FER: variants seen among roughly 807,000 people sequenced by gnomAD.
FER encodes the protein tyrosine-protein kinase Fer.
In FER, 63 loss-of-function variants were observed where a neutral mutation model predicts 111.0. That is an observed-to-expected ratio of 0.57 (90% CI 0.46 to 0.70). FER has a LOEUF of 0.70. FER is among the 30% of genes least tolerant of loss of function. The pLI is 0.00. For synonymous variants in FER, 327 were observed against 313.9 expected, an observed-to-expected ratio of 1.04 and a Z score of -0.44; for missense variants, 914 against 954.0, an observed-to-expected ratio of 0.96 and a Z score of 0.55.
At chr5:109,135,641 C>G (rs1352121078) in intron 17 of FER, among the ~76,000 whole-genome samples, 1 of 152,098 alleles carries the variant, frequency 6.6e-6, no homozygotes, top group Non-Finnish European at 1.5e-5. Flanking sequence ...CCCCAACTCA[C>G]CAAAACTCTC....
In FER at chr5:108,798,045, A is replaced by G. The variant is rs148365015; in HGVS notation, c.-59-79A>G. ...TTTTTTTTTTTTAACCCCAAAGAAG[A>G]ATCTATCATAACTTTTTTTTTTTTG... On this transcript the variant is annotated intron_variant, in intron 2 of 19. Coordinates refer to ENST00000281092, the MANE Select transcript of FER (RefSeq NM_005246.4). 525 of 552,674 alleles carry G rather than the reference A, an allele frequency of 9.5e-4. 4 individuals are homozygous for G. In the African/African-American group the frequency reaches 0.01, roughly 11 times the overall value. 34.2% of individuals were successfully genotyped at this position (552,674 alleles called of 1,614,324 possible).
At chr5:108,767,677 T>G (rs1435994120) in intron 1 of FER, among the ~76,000 whole-genome samples, 1 of 152,200 alleles carries the variant, frequency 6.6e-6, no homozygotes, top group African/African-American at 2.4e-5. Flanking sequence ...AGACTAGGTT[T>G]CACTGTGTTG....
intron 13 of FER, among the ~76,000 whole-genome samples, chr5:109,027,922 G>A (rs1208711959): frequency 6.6e-6 from 1 of 152,102 alleles, no homozygotes; most frequent in African/African-American, 2.4e-5. Flanking sequence ...GTATCTACTT[G>A]TATAAAGATG....
At chr5:109,055,651 G>C (rs114357770) in intron 16 of FER, among the ~76,000 whole-genome samples, 4,270 of 151,494 alleles carry the variant, frequency 0.028, 86 homozygotes, top group Middle Eastern at 0.11. Context: ...ACCAGACATG[G>C]TGACGTGTGC....
At chr5:109,025,138 T>G (rs1038870302) in intron 13 of FER, among the ~76,000 whole-genome samples, 81 of 152,046 alleles carry the variant, frequency 5.3e-4, no homozygotes, top group African/African-American at 9.6e-4. Flanking sequence ...TTAAAGTAGT[T>G]TTTTCCAATT....
chr5:108,883,410 C>G lies in FER; in HGVS notation c.938C>G (p.Ala313Gly), dbSNP rs771543690. ...GTTTATTCTAGGTTGAAAACGTTAGCGGAAGAACTTATGCAAACACAGCAG... is the reference window on the plus strand; with the variant it reads ...GTTTATTCTAGGTTGAAAACGTTAGGGGAAGAACTTATGCAAACACAGCAG... ...ESLQVMLKTL[A>G]EELMQTQQML... The change falls in exon 9 of 20, where the codon GCG (alanine) becomes GGG (glycine). Residue 313 changes from alanine (A) to glycine (G), a missense_variant. Ala to Gly is a moderately conservative substitution (Grantham distance 60). Around this residue, in one of 3 missense-constraint regions of FER, gnomAD observed 774 missense variants for 782.6 expected, o/e 0.99. Coordinates refer to ENST00000281092, the MANE Select transcript of FER (RefSeq NM_005246.4). 9 of 1,604,048 alleles carry G rather than the reference C, an allele frequency of 5.6e-6. No homozygotes were observed. In the East Asian group the frequency reaches 2.0e-4, roughly 36 times the overall value.
At chr5:109,041,526 G>A (rs1480241946) in intron 14 of FER, among the ~76,000 whole-genome samples, 1 of 152,016 alleles carries the variant, frequency 6.6e-6, no homozygotes, top group Admixed American at 6.6e-5. Flanking sequence ...TGAGATAGAT[G>A]TTATACAACA....
intron 13 of FER, among the ~76,000 whole-genome samples, chr5:108,976,521 T>A (rs1302313310): frequency 6.6e-6 from 1 of 152,068 alleles, no homozygotes. Context: ...CCCTGAACAA[T>A]CTGGGGGTGA....
intron 16 of FER, among the ~76,000 whole-genome samples, chr5:109,058,959 C>T (rs1016792935): frequency 3.3e-5 from 5 of 151,704 alleles, no homozygotes; most frequent in Non-Finnish European, 5.9e-5. Flanking sequence ...AGGCTGGTCT[C>T]GAACTCCTGA....
chr5:108,929,670 G>T (rs974090188), intron 10 of FER, among the ~76,000 whole-genome samples: 1 of 151,932 alleles, frequency 6.6e-6, no homozygotes, highest in African/African-American at 2.4e-5. Flanking sequence ...CTAGTGATAG[G>T]TTTTCTGTGA....
At chr5:109,120,289 G>T (rs1750801295) in intron 17 of FER, among the ~76,000 whole-genome samples, 1 of 152,008 alleles carries the variant, frequency 6.6e-6, no homozygotes, top group South Asian at 2.1e-4. Context: ...TATATGGCAA[G>T]AGATATGGGT....
intron 8 of FER, among the ~76,000 whole-genome samples, chr5:108,873,632 C>T (rs1001679154): frequency 4.6e-5 from 7 of 152,116 alleles, no homozygotes; most frequent in African/African-American, 1.7e-4. Context: ...ATTTTTGAAG[C>T]TGTTCCTAAG....
chr5:108,852,286 A>G (rs1165896268), intron 5 of FER, among the ~76,000 whole-genome samples: 1 of 152,142 alleles, frequency 6.6e-6, no homozygotes, highest in Non-Finnish European at 1.5e-5. Context: ...AATTGATTAG[A>G]TCTGTTGAGT....
intron 12 of FER, among the ~76,000 whole-genome samples, chr5:108,958,781 A>T (rs1214058365): frequency 2.6e-5 from 4 of 151,856 alleles, no homozygotes. Context: ...ATCAGATTGG[A>T]TATCTTTCCT....
Position 108,872,091 on chromosome 5 carries a change from A to T in FER, c.804-2A>T, listed in dbSNP as rs762420228. Reference sequence around the variant, plus strand: ...TCAAAATTATTTGCCATGCTTTACTAGAACAACGGCTGCTAAAGAACAAGA... The same window carrying T: ...TCAAAATTATTTGCCATGCTTTACTTGAACAACGGCTGCTAAAGAACAAGA... On this transcript the variant is annotated splice_acceptor_variant, in intron 7 of 19. Coordinates refer to ENST00000281092, the MANE Select transcript of FER (RefSeq NM_005246.4). LOFTEE classifies it high-confidence loss of function. 1 of 1,609,622 alleles carries T rather than the reference A, an allele frequency of 6.2e-7. No individual in the cohort carries two copies. Among genetic ancestry groups the T allele is most frequent in the Non-Finnish European group, 8.5e-7 (1 of 1,178,056 alleles).
chr5:109,169,078 G>A (rs1337693628), intron 17 of FER, among the ~76,000 whole-genome samples: 1 of 152,140 alleles, frequency 6.6e-6, no homozygotes, highest in Non-Finnish European at 1.5e-5. Flanking sequence ...CTTCATGAAT[G>A]CACAATGCAG....
chr5:109,116,163 C>T (rs1264857306), intron 17 of FER, among the ~76,000 whole-genome samples: 1 of 151,962 alleles, frequency 6.6e-6, no homozygotes, highest in East Asian at 1.9e-4. Context: ...CCACCTTGCT[C>T]TAATGGTAGC....
intron 2 of FER, among the ~76,000 whole-genome samples, chr5:108,774,516 A>T (rs1238451470): frequency 6.6e-6 from 1 of 152,126 alleles, no homozygotes; most frequent in Non-Finnish European, 1.5e-5. Context: ...TTACATTCCC[A>T]TCAACAGTGT....
chr5:109,034,931 A>AT (rs959072992), intron 13 of FER, among the ~76,000 whole-genome samples: 2 of 151,174 alleles, frequency 1.3e-5, no homozygotes, highest in Non-Finnish European at 1.5e-5. Context: ...CAGCTCTTTT[A>AT]TTTTTTATTA....
Sources: allele counts gnomAD v4.1 joint callset (sites outside exome capture counted in the v4.1 genomes callset), GRCh38; gene constraint gnomAD v4.1.1; regional missense constraint gnomAD v4.1.1; transcripts MANE v1.5; gene names NCBI Gene and HGNC (gene_info 2026-07-23, HGNC 2026-07-21).